Variants in NBAS observed in about 807,000 individuals in gnomAD.
NBAS encodes NAG/BC035112 fusion.
Under a neutral mutation model 302.5 loss-of-function variants are expected in NBAS, and 219 were observed. The ratio of observed to expected loss-of-function variants is 0.72; its 90% CI spans 0.65 to 0.81. The LOEUF (loss-of-function observed/expected upper bound fraction) is 0.81. NBAS is among the 30% of genes least tolerant of loss of function. The pLI is 0.00. For synonymous variants in NBAS, 1,118 were observed against 1,021.6 expected (o/e 1.09, Z -1.80); for missense variants, 2,932 against 2,841.6 (o/e 1.03, Z -0.72).
chr2:15,510,221 C>G (rs1004907951), intron 10 of NBAS, among the ~76,000 whole-genome samples: 2 of 152,192 alleles, frequency 1.3e-5, no homozygotes, highest in Non-Finnish European at 2.9e-5. Flanking sequence ...GGATGGTAAA[C>G]ATAATTAGTA....
At position 15,541,812 on chromosome 2, in the gene NBAS, T is replaced by G. The variant is rs1218155730; in HGVS notation, c.380-2456A>C. Among the ~76,000 whole-genome samples the G allele has an allele frequency of 3.0e-3, 65 of 22,024 alleles. 21 individuals carry two copies. Among genetic ancestry groups the G allele is most frequent in the Non-Finnish European group, 5.4e-3 (41 of 7,552 alleles). The allele number at this position is 22,024 out of a possible 152,430, so 14.4% of individuals were successfully genotyped here. The stretch of plus-strand genomic sequence containing the variant: ...CCGTCCGGGAGGGAGGTGGGGGGGT[T>G]CAGCCCCCCGCCCGGCCAGCCGCCC... On this transcript the variant is annotated intron_variant, in intron 6 of 51. Coordinates refer to ENST00000281513, the MANE Select transcript of NBAS (RefSeq NM_015909.4).
At chr2:14,935,947 A>G in the NBAS span, among the ~76,000 whole-genome samples, 2 of 152,210 alleles carry the variant, frequency 1.3e-5, no homozygotes. Context: ...ACCAAGCAGG[A>G]GTCTCAGTAG....
the NBAS span, among the ~76,000 whole-genome samples, chr2:15,011,062 T>C: frequency 1.3e-5 from 2 of 152,256 alleles, no homozygotes; most frequent in Admixed American, 6.5e-5. Flanking sequence ...TTAAAAGTCA[T>C]CCAATTGTTG....
chr2:15,046,709 G>A, the NBAS span, among the ~76,000 whole-genome samples: 1 of 152,138 alleles, frequency 6.6e-6, no homozygotes, highest in East Asian at 1.9e-4. Flanking sequence ...GCAGGCAGCG[G>A]GGAAAAAGAG....
At chr2:15,146,563 G>T in the NBAS span, among the ~76,000 whole-genome samples, 2 of 152,120 alleles carry the variant, frequency 1.3e-5, no homozygotes, top group Non-Finnish European at 2.9e-5. Context: ...TGGCATAAAT[G>T]AAGGGGACAG....
chr2:15,535,259 C>A (rs1479096060), intron 8 of NBAS, among the ~76,000 whole-genome samples: 1 of 152,134 alleles, frequency 6.6e-6, no homozygotes, highest in Non-Finnish European at 1.5e-5. Context: ...CAGTGGCTCA[C>A]GCCTGTTATC....
At chr2:14,867,378 CAG>C in the NBAS span, among the ~76,000 whole-genome samples, 18 of 152,136 alleles carry the variant, frequency 1.2e-4, no homozygotes. Flanking sequence ...CAAGGAAGCA[CAG>C]AGTCAGCCTT....
the NBAS span, among the ~76,000 whole-genome samples, chr2:14,986,383 G>A: frequency 6.6e-6 from 1 of 152,034 alleles, no homozygotes; most frequent in South Asian, 2.1e-4. Context: ...CCGAGTATAA[G>A]GTTGTTAAAC....
intron 35 of NBAS, among the ~76,000 whole-genome samples, chr2:15,348,258 A>G (rs1673185487): frequency 6.6e-6 from 1 of 152,180 alleles, no homozygotes; most frequent in Admixed American, 6.6e-5. Flanking sequence ...AAAGGGGACA[A>G]AGGCAGACAG....
chr2:15,324,782 A>G (rs1671986825), intron 38 of NBAS, among the ~76,000 whole-genome samples: 1 of 152,186 alleles, frequency 6.6e-6, no homozygotes, highest in Admixed American at 6.5e-5. Flanking sequence ...ACTGGAAGAG[A>G]TCCCTAGTCA....
intron 44 of NBAS, among the ~76,000 whole-genome samples, chr2:15,267,459 T>C (rs1402197399): frequency 1.3e-5 from 2 of 152,218 alleles, no homozygotes; most frequent in South Asian, 2.1e-4. Flanking sequence ...ATAACACTTT[T>C]ATAGTTGAGT....
chr2:15,058,868 G>T, the NBAS span, among the ~76,000 whole-genome samples: 4 of 152,196 alleles, frequency 2.6e-5, no homozygotes, highest in Non-Finnish European at 5.9e-5. Context: ...CCAGGAGATA[G>T]ATTAAAGCCG....
At chr2:14,960,358 C>G in the NBAS span, among the ~76,000 whole-genome samples, 2,197 of 152,248 alleles carry the variant, frequency 0.014, 41 homozygotes, top group African/African-American at 0.051. Flanking sequence ...GCACACAGCC[C>G]AGTTTATGAG....
At chr2:15,004,057 AT>A in the NBAS span, among the ~76,000 whole-genome samples, 1 of 152,334 alleles carries the variant, frequency 6.6e-6, no homozygotes, top group Middle Eastern at 3.4e-3. Context: ...AATCTATAAC[AT>A]TTAAGAGTGT....
intron 47 of NBAS, among the ~76,000 whole-genome samples, chr2:15,223,290 A>G (rs1667027162): frequency 1.3e-5 from 2 of 152,202 alleles, no homozygotes; most frequent in African/African-American, 2.4e-5. Flanking sequence ...ACCGTGATAA[A>G]ATTTTAACAA....
intron 21 of NBAS, among the ~76,000 whole-genome samples, chr2:15,428,836 G>A (rs1677612344): frequency 6.6e-6 from 1 of 152,064 alleles, no homozygotes; most frequent in East Asian, 1.9e-4. Flanking sequence ...GAGGTCAGCA[G>A]ATCGAGACCA....
chr2:14,897,206 C>T, the NBAS span, among the ~76,000 whole-genome samples: 1 of 152,142 alleles, frequency 6.6e-6, no homozygotes, highest in Non-Finnish European at 1.5e-5. Flanking sequence ...TCAGTATTTT[C>T]ACAGCTGTCT....
chr2:14,820,886 C>G, the NBAS span, among the ~76,000 whole-genome samples: 5 of 151,986 alleles, frequency 3.3e-5, no homozygotes, highest in African/African-American at 1.2e-4. Flanking sequence ...ACGCGAGCAG[C>G]TTCTGTGAGG....
At chr2:14,831,984 C>A in the NBAS span, among the ~76,000 whole-genome samples, 1 of 152,184 alleles carries the variant, frequency 6.6e-6, no homozygotes, top group Non-Finnish European at 1.5e-5. Flanking sequence ...GACAGCTACA[C>A]TTTAGGCATC....
Sources: gnomAD v4.1 joint callset for allele counts (sites outside exome capture counted in the v4.1 genomes callset) on GRCh38, gnomAD v4.1.1 for gene constraint, MANE v1.5 for transcripts, NCBI Gene and HGNC (gene_info 2026-07-23, HGNC 2026-07-21) for gene names.